CNRIP1: variants seen among roughly 807,000 people sequenced by gnomAD.
The protein encoded by CNRIP1 is cannabinoid receptor interacting protein 1.
A neutral mutation model predicts 15.2 loss-of-function variants in CNRIP1; 10 were observed. The ratio of observed to expected loss-of-function variants is 0.66; its 90% CI spans 0.41 to 1.12. The LOEUF (loss-of-function observed/expected upper bound fraction) is 1.12. CNRIP1 is among the 50% of genes most tolerant of loss of function. The pLI is 0.00. For missense variants in CNRIP1, 211 were observed against 214.7 expected (o/e 0.98, Z 0.11); for synonymous variants, 91 against 83.2 (o/e 1.09, Z -0.51).
At chr2:68,286,632 G>A (rs1392534691) in intron 2 of CNRIP1, among the ~76,000 whole-genome samples, 1 of 152,144 alleles carries the variant, frequency 6.6e-6, no homozygotes, top group Non-Finnish European at 1.5e-5. Context: ...TCTGCTTCAA[G>A]CATGAAGGGA....
chr2:68,303,036 A>T (rs1031763482), intron 2 of CNRIP1, among the ~76,000 whole-genome samples: 2 of 151,640 alleles, frequency 1.3e-5, no homozygotes, highest in South Asian at 2.1e-4. Flanking sequence ...TTTAGTAGAG[A>T]CGGGGTTTCA....
intron 2 of CNRIP1, among the ~76,000 whole-genome samples, chr2:68,297,567 C>CAAAAA (rs112601365): frequency 2.3e-4 from 23 of 98,898 alleles, no homozygotes; most frequent in South Asian, 3.1e-4. Context: ...GACACTGTCT[C>CAAAAA]AAAAAAAAAA....
rs781622672 is a variant in CNRIP1 at position 68,319,451 on chromosome 2, G to T, written c.-51C>A. ...GCTCCGGGGGGCGGAGGACAGCGCC[G>T]GCTGCGGCCGAGTGGCTGGAGCGCG... is the stretch of plus-strand genomic sequence containing the variant. On this transcript the variant is annotated 5_prime_UTR_variant, in exon 1 of 3. Coordinates refer to ENST00000263655, the MANE Select transcript of CNRIP1 (RefSeq NM_015463.3). The T allele has an allele frequency of 3.4e-6, 5 of 1,449,486 alleles. No homozygotes were observed. In the Admixed American group the frequency reaches 7.3e-5, roughly 21 times the overall value. 89.8% of individuals were successfully genotyped at this position (1,449,486 alleles called of 1,614,324 possible).
exon 3 of CNRIP1, chr2:68,284,481 A>C: frequency 6.5e-7 from 1 of 1,538,574 alleles, no homozygotes; most frequent in Non-Finnish European, 8.8e-7. Flanking sequence ...TGTTCCAGGC[A>C]CTCCTGAAAA....
At chr2:68,305,805 A>C (rs945806733) in intron 2 of CNRIP1, among the ~76,000 whole-genome samples, 21 of 148,986 alleles carry the variant, frequency 1.4e-4, no homozygotes, top group African/African-American at 5.2e-4. Context: ...AAAAAAAAAA[A>C]AAAACACACA....
chr2:68,292,494 C>A (rs1214900691), downstream of CNRIP1, among the ~76,000 whole-genome samples: 1 of 152,156 alleles, frequency 6.6e-6, no homozygotes, highest in African/African-American at 2.4e-5. Context: ...CAAACAATCC[C>A]CAACGAACTT....
At position 68,293,142 on chromosome 2, in the gene CNRIP1, A is replaced by G. The variant is rs1044743923; in HGVS notation, c.*720T>C. The G allele has an allele frequency of 3.0e-6, 3 of 985,372 alleles. No individual in the cohort carries two copies. The highest frequency in any genetic ancestry group is 3.5e-5 in the African/African-American group (2 of 57,254). 61.0% of individuals were successfully genotyped at this position (985,372 alleles called of 1,614,324 possible). On this transcript the variant is annotated 3_prime_UTR_variant, in exon 3 of 3. Transcript: ENST00000263655. ...GTCTGAAGACTATGGAAGCTTGTCA[A>G]AGGGGTAACCCTACAACTCCTGTCA...
At position 68,293,296 on chromosome 2, in the gene CNRIP1, T is replaced by C. The variant is rs1671226222; in HGVS notation, c.*566A>G. ...CGTACATATTTGTCCTTCTAGTTTG[T>C]TACCATCCTTCCCTGAAAGAGCGGA... On this transcript the variant is annotated 3_prime_UTR_variant, in exon 3 of 3. Transcript: ENST00000263655. 4 of 986,074 alleles carry C rather than the reference T, an allele frequency of 4.1e-6. No homozygotes were observed. Among genetic ancestry groups the C allele is most frequent in the Non-Finnish European group, 3.6e-6 (3 of 830,346 alleles). 61.1% of individuals were successfully genotyped at this position (986,074 alleles called of 1,614,324 possible).
intron 2 of CNRIP1, among the ~76,000 whole-genome samples, chr2:68,306,721 C>T (rs1573027479): frequency 1.3e-5 from 2 of 150,920 alleles, no homozygotes; most frequent in South Asian, 2.1e-4. Flanking sequence ...GTGGAGGTTG[C>T]AGTGAGCCGA....
intron 2 of CNRIP1, among the ~76,000 whole-genome samples, chr2:68,301,753 G>C (rs545984408): frequency 2.0e-4 from 31 of 152,118 alleles, no homozygotes; most frequent in Non-Finnish European, 3.8e-4. Context: ...TTGGCCCAGC[G>C]TGGTGGCAGG....
intron 2 of CNRIP1, among the ~76,000 whole-genome samples, chr2:68,294,616 A>T (rs1249603691): frequency 6.6e-6 from 1 of 152,250 alleles, no homozygotes; most frequent in Non-Finnish European, 1.5e-5. Context: ...ACCTGTCTAC[A>T]ATACATCTAC....
At chr2:68,300,455 A>G (rs138985680) in intron 2 of CNRIP1, among the ~76,000 whole-genome samples, 3,875 of 152,158 alleles carry the variant, frequency 0.025, 165 homozygotes, top group African/African-American at 0.086. Flanking sequence ...CATCTCTAGT[A>G]AAAATACAAA....
rs911491339 is a variant in CNRIP1, at chr2:68,319,607, C to G, written c.-207G>C. The G allele has an allele frequency of 9.3e-5, 48 of 518,326 alleles. 2 individuals carry two copies. In the South Asian group the frequency reaches 1.0e-3, roughly 11 times the overall value. The allele number at this position is 518,326 out of a possible 1,614,324, so 32.1% of individuals were successfully genotyped here. On this transcript the variant is annotated 5_prime_UTR_variant, in exon 1 of 3. Coordinates refer to ENST00000263655, the MANE Select transcript of CNRIP1 (RefSeq NM_015463.3). Reference sequence around the variant, plus strand: ...CTCCTTAGGCTGTGGCCCCCCTCCCCACTCGGCGAGGAAGCGGGCCCAAGA... The same window carrying G: ...CTCCTTAGGCTGTGGCCCCCCTCCCGACTCGGCGAGGAAGCGGGCCCAAGA...
At chr2:68,295,047 A>G (rs957707908) in intron 2 of CNRIP1, among the ~76,000 whole-genome samples, 4 of 152,130 alleles carry the variant, frequency 2.6e-5, no homozygotes, top group African/African-American at 9.7e-5. Flanking sequence ...TTCTGGAGCT[A>G]TTTAGGGGAT....
At chr2:68,309,681 G>C (rs994663588) in intron 2 of CNRIP1, among the ~76,000 whole-genome samples, 5 of 151,924 alleles carry the variant, frequency 3.3e-5, no homozygotes, top group Admixed American at 6.6e-5. Context: ...GAAAATGACA[G>C]CCCTATCTGT....
chr2:68,317,479 A>G (rs1306427093), intron 1 of CNRIP1, among the ~76,000 whole-genome samples, 172 bp from the exon 2 acceptor site: 1 of 152,198 alleles, frequency 6.6e-6, no homozygotes, highest in African/African-American at 2.4e-5. Flanking sequence ...TTTATGAATT[A>G]AAAACCTACC....
In CNRIP1 at chr2:68,310,435, G is replaced by C. The variant is rs143955882; in HGVS notation, c.330+6722C>G. Reference sequence around the variant, plus strand: ...GTATAAGCTCTCCAGTTCCTTGGCTGACTGCTAAGCTCCATGGGCACAAAA... The same window carrying C: ...GTATAAGCTCTCCAGTTCCTTGGCTCACTGCTAAGCTCCATGGGCACAAAA... On this transcript the variant is annotated intron_variant, in intron 2 of 2. Coordinates refer to ENST00000263655, the MANE Select transcript of CNRIP1 (RefSeq NM_015463.3). 9.2e-4 allele frequency among the ~76,000 whole-genome samples: 140 copies of C among 152,290 alleles called. 2 individuals carry two copies. The East Asian group carries it at 0.025, about 27-fold the overall frequency.
intron 2 of CNRIP1, among the ~76,000 whole-genome samples, chr2:68,299,835 C>T (rs1671539297): frequency 6.6e-6 from 1 of 152,160 alleles, no homozygotes; most frequent in Non-Finnish European, 1.5e-5. Flanking sequence ...GGTCTTACAA[C>T]CCACTGGCAT....
At chr2:68,294,880 A>G (rs141450700) in intron 2 of CNRIP1, among the ~76,000 whole-genome samples, 3 of 152,318 alleles carry the variant, frequency 2.0e-5, no homozygotes, top group Admixed American at 6.5e-5. Context: ...TTAGCATTCT[A>G]CTTCCAGAAG....
Sources: allele counts gnomAD v4.1 joint callset (sites outside exome capture counted in the v4.1 genomes callset), GRCh38; gene constraint gnomAD v4.1.1; transcripts MANE v1.5; gene names NCBI Gene and HGNC (gene_info 2026-07-23, HGNC 2026-07-21).